The following ATPSCKMT variants were observed in gnomAD, a reference collection of about 807,000 sequenced individuals.
The protein encoded by ATPSCKMT is ATP synthase subunit C lysine N-methyltransferase.
Under a neutral mutation model 24.3 loss-of-function variants are expected in ATPSCKMT, and 24 were observed. The observed-to-expected ratio is 0.99, with a 90% CI of 0.71 to 1.39. The LOEUF (loss-of-function observed/expected upper bound fraction) is 1.39, where lower values mean the gene tolerates loss of function less well. ATPSCKMT is among the 40% of genes most tolerant of loss of function. The pLI, the probability that ATPSCKMT is intolerant of heterozygous loss-of-function variation, is 0.00. For synonymous variants in ATPSCKMT, 95 were observed against 110.5 expected, an observed-to-expected ratio of 0.86 and a Z score of 0.88; for missense variants, 311 against 298.4, an observed-to-expected ratio of 1.04 and a Z score of -0.31.
intron 4 of ATPSCKMT, among the ~76,000 whole-genome samples, chr5:10,233,378 C>G (rs1158912926): frequency 6.6e-6 from 1 of 152,120 alleles, no homozygotes; most frequent in Non-Finnish European, 1.5e-5. Context: ...CCTGACCGAC[C>G]CACCAGCATG....
At chr5:10,235,463 A>G (rs936833303) in intron 3 of ATPSCKMT, among the ~76,000 whole-genome samples, 2 of 152,202 alleles carry the variant, frequency 1.3e-5, no homozygotes, top group Non-Finnish European at 2.9e-5. Flanking sequence ...AATTCAATCC[A>G]CTGCAGTTTT....
chr5:10,235,575 A>G (rs1176139406), intron 3 of ATPSCKMT, among the ~76,000 whole-genome samples: 3 of 152,118 alleles, frequency 2.0e-5, no homozygotes, highest in Non-Finnish European at 4.4e-5. Context: ...CCACACTGTG[A>G]CCCCACTGTG....
intron 1 of ATPSCKMT, among the ~76,000 whole-genome samples, chr5:10,243,510 C>T (rs576473829): frequency 1.3e-5 from 2 of 152,218 alleles, no homozygotes; most frequent in African/African-American, 4.8e-5. Context: ...CTGTTTAGTG[C>T]AGCAACCCTC....
At chr5:10,241,415 C>T (rs567139222) in intron 1 of ATPSCKMT, among the ~76,000 whole-genome samples, 11 of 152,238 alleles carry the variant, frequency 7.2e-5, no homozygotes, top group African/African-American at 2.2e-4. Flanking sequence ...AAATTTGAAC[C>T]CAAGACACAC....
chr5:10,233,374 C>G (rs996443783), intron 4 of ATPSCKMT, among the ~76,000 whole-genome samples: 2 of 152,104 alleles, frequency 1.3e-5, no homozygotes, highest in Non-Finnish European at 2.9e-5. Flanking sequence ...CACCCCTGAC[C>G]GACCCACCAG....
At position 10,227,657 on chromosome 5, in the gene ATPSCKMT, G is replaced by C. The variant is rs759327004; in HGVS notation, c.496-10C>G. Reference sequence around the variant, plus strand: ...TCTCCAACTGCAGCATCTGTGGAGAGTAACAGCTATTATTTTAGTGAGCAG... The same window carrying C: ...TCTCCAACTGCAGCATCTGTGGAGACTAACAGCTATTATTTTAGTGAGCAG... On this transcript the variant is annotated splice_polypyrimidine_tract_variant and intron_variant, in intron 4 of 4. Transcript: ENST00000511437. 1 of 1,613,202 alleles carries C rather than the reference G, an allele frequency of 6.2e-7. No individual in the cohort carries two copies. Among genetic ancestry groups the C allele is most frequent in the East Asian group, 2.2e-5 (1 of 44,888 alleles).
At chr5:10,245,627 G>A (rs966104893) in intron 1 of ATPSCKMT, among the ~76,000 whole-genome samples, 10 of 151,654 alleles carry the variant, frequency 6.6e-5, no homozygotes, top group Admixed American at 1.3e-4. Flanking sequence ...TGCATCTGTG[G>A]TCCCTGCTAC....
In ATPSCKMT at chr5:10,225,651, T is replaced by C. The variant is rs531669894; in HGVS notation, c.*1790A>G. 1.3e-5 allele frequency among the ~76,000 whole-genome samples: 2 copies of C among 152,224 alleles called. No individual in the cohort carries two copies. The highest frequency in any genetic ancestry group is 4.1e-4 in the South Asian group (2 of 4,824). On this transcript the variant is annotated 3_prime_UTR_variant, in exon 5 of 5. Coordinates refer to ENST00000511437, the MANE Select transcript of ATPSCKMT (RefSeq NM_199133.4). ...ATCTCATTAAACTTACTCACTATCA[T>C]GAGAACAGCACAGGAAAGACCTGCC...
intron 4 of ATPSCKMT, among the ~76,000 whole-genome samples, chr5:10,229,949 G>C (rs974855600): frequency 6.6e-6 from 1 of 152,164 alleles, no homozygotes; most frequent in African/African-American, 2.4e-5. Context: ...CCTGGCTTTT[G>C]TATCTTCCCT....
intron 4 of ATPSCKMT, among the ~76,000 whole-genome samples, chr5:10,229,382 G>C (rs1371990237): frequency 6.6e-6 from 1 of 152,128 alleles, no homozygotes; most frequent in Admixed American, 6.5e-5. Context: ...TGCGGTGTGT[G>C]GTCTTTGGCA....
intron 1 of ATPSCKMT, among the ~76,000 whole-genome samples, chr5:10,243,242 T>C (rs1329062824): frequency 6.6e-6 from 1 of 152,284 alleles, no homozygotes; most frequent in East Asian, 1.9e-4. Context: ...TCTCAACACT[T>C]TGGGAGGCTG....
At chr5:10,234,730 TA>T (rs1744298606) in intron 4 of ATPSCKMT, among the ~76,000 whole-genome samples, 1 of 152,190 alleles carries the variant, frequency 6.6e-6, no homozygotes, top group South Asian at 2.1e-4. Flanking sequence ...TGAAAGTACA[TA>T]ATCAAAGTTC....
rs74723957 is a variant in ATPSCKMT at position 10,242,113 on chromosome 5, G to A, written c.17-2757C>T. Among the ~76,000 whole-genome samples, 1,086 of 152,218 alleles carry A rather than the reference G, an allele frequency of 7.1e-3. 10 individuals carry two copies. The highest frequency in any genetic ancestry group is 0.025 in the African/African-American group (1,019 of 41,514). On this transcript the variant is annotated intron_variant, in intron 1 of 4. Transcript: ENST00000511437. ...TGAGGGTGGTGGTTGCCGAAGGTTG[G>A]GGTCGTTGCGGCAATTTTTGAAAAT...
At chr5:10,245,943 C>A (rs1744901480) in intron 1 of ATPSCKMT, among the ~76,000 whole-genome samples, 5 of 152,104 alleles carry the variant, frequency 3.3e-5, no homozygotes, top group Admixed American at 3.3e-4. Context: ...CATATACATA[C>A]AATTTGCCTG....
intron 4 of ATPSCKMT, among the ~76,000 whole-genome samples, chr5:10,232,672 C>G (rs1353726638): frequency 6.6e-6 from 1 of 152,214 alleles, no homozygotes; most frequent in Non-Finnish European, 1.5e-5. Flanking sequence ...ACCCCAGGCT[C>G]TGGGAAGAGC....
chr5:10,231,974 C>T lies in ATPSCKMT; in HGVS notation c.495+3237G>A, dbSNP rs185308709. On this transcript the variant is annotated intron_variant, in intron 4 of 4. Transcript: ENST00000511437. ...TCCCAACACTTTGGGAGTCTGCAGC[C>T]GGAGGACTGCTTGAGCCCAGGAGTT... 2.2e-3 allele frequency among the ~76,000 whole-genome samples: 335 copies of T among 152,276 alleles called. 1 individual carries two copies. The highest frequency in any genetic ancestry group is 3.4e-3 in the Middle Eastern group (1 of 294).
chr5:10,240,877 C>A (rs56029383), intron 1 of ATPSCKMT, among the ~76,000 whole-genome samples: 3,100 of 151,632 alleles, frequency 0.02, 122 homozygotes, highest in African/African-American at 0.072. Flanking sequence ...TGCTTGTAGT[C>A]CCCAGCTACT....
chr5:10,237,749 T>C (rs1218760009), intron 2 of ATPSCKMT, among the ~76,000 whole-genome samples: 6 of 126,980 alleles, frequency 4.7e-5, no homozygotes, highest in African/African-American at 1.3e-4. Flanking sequence ...CAGACTAATA[T>C]ATTTCTTTTT....
At chr5:10,240,183 G>A (rs530768377) in intron 1 of ATPSCKMT, among the ~76,000 whole-genome samples, 29 of 150,982 alleles carry the variant, frequency 1.9e-4, no homozygotes, top group Admixed American at 1.1e-3. Flanking sequence ...ACAGTGAGCC[G>A]AGATCGCACC....
Sources: gnomAD v4.1 joint callset for allele counts (sites outside exome capture counted in the v4.1 genomes callset) on GRCh38, gnomAD v4.1.1 for gene constraint, MANE v1.5 for transcripts, NCBI Gene and HGNC (gene_info 2026-07-23, HGNC 2026-07-21) for gene names.